Variants in SIPA1L1 observed in about 807,000 individuals in gnomAD.
The protein encoded by SIPA1L1 is signal induced proliferation associated 1 like 1.
SIPA1L1 carries 26 observed loss-of-function variants against 162.7 expected under a neutral mutation model. The observed-to-expected ratio is 0.16, with a 90% confidence interval of 0.12 to 0.22. The LOEUF is 0.22. Ranked by LOEUF, SIPA1L1 falls within the 10% of genes least tolerant of loss-of-function variation. The probability of loss-of-function intolerance (pLI) is 1.00; values close to 1 mark genes in which losing one functional copy is unlikely to be tolerated. For missense variants in SIPA1L1, 1,874 were observed against 2,241.0 expected (o/e 0.84, Z 3.31); for synonymous variants, 829 against 837.4 (o/e 0.99, Z 0.17).
At chr14:71,445,492 A>G (rs891754787) in intron 2 of SIPA1L1, among the ~76,000 whole-genome samples, 2 of 152,108 alleles carry the variant, frequency 1.3e-5, no homozygotes, top group African/African-American at 4.8e-5. Context: ...GCCTGGCAGA[A>G]TTTGTCTGTA....
At chr14:71,419,488 T>TC (rs2043028790) in intron 2 of SIPA1L1, among the ~76,000 whole-genome samples, 1 of 128,232 alleles carries the variant, frequency 7.8e-6, no homozygotes, top group African/African-American at 3.0e-5. Context: ...CTCTTTTTTT[T>TC]TTTTTTTTTT....
At chr14:71,696,408 G>A (rs994757659) in intron 13 of SIPA1L1, among the ~76,000 whole-genome samples, 3 of 152,198 alleles carry the variant, frequency 2.0e-5, no homozygotes, top group Non-Finnish European at 2.9e-5. Flanking sequence ...CTGGGCTTAG[G>A]TGTAATTCTA....
Position 71,588,107 on chromosome 14 carries a change from A to C in SIPA1L1, c.235A>C (p.Arg79=). Residue 79 remains arginine, a synonymous_variant, in exon 5 of 24, where the codon AGG becomes CGG. Transcript: ENST00000381232. This position sits in a 1 kb window ranked among gnomAD's most constrained non-coding sequence, Gnocchi z 4.3. The part of the protein sequence containing the change: ...PGVPKMGVRA[R]IADWPPRKEN... ...AGTCCCAAAAATGGGGGTAAGGGCA[A>C]GGATTGCAGATTGGCCCCCAAGAAA... The C allele has an allele frequency of 6.2e-7, 1 of 1,614,214 alleles. No individual in the cohort carries two copies. The highest frequency in any genetic ancestry group is 2.2e-5 in the East Asian group (1 of 44,890).
intron 4 of SIPA1L1, among the ~76,000 whole-genome samples, chr14:71,572,798 A>G (rs2032324892): frequency 6.6e-6 from 1 of 152,240 alleles, no homozygotes. Flanking sequence ...AAAATAAATG[A>G]AACTGTTACT....
intron 7 of SIPA1L1, among the ~76,000 whole-genome samples, chr14:71,627,601 T>A (rs1461727404): frequency 6.6e-6 from 1 of 152,226 alleles, no homozygotes; most frequent in East Asian, 1.9e-4. Context: ...TCACTTACAG[T>A]ACAGTTGGGG....
intron 2 of SIPA1L1, among the ~76,000 whole-genome samples, chr14:71,508,476 A>C (rs1279311978): frequency 6.6e-6 from 1 of 152,156 alleles, no homozygotes; most frequent in East Asian, 1.9e-4. Flanking sequence ...AATTTAAAGG[A>C]AGTTTGTACA....
At chr14:71,459,299 A>G (rs1409630685) in intron 2 of SIPA1L1, among the ~76,000 whole-genome samples, 1 of 152,096 alleles carries the variant, frequency 6.6e-6, no homozygotes, top group Non-Finnish European at 1.5e-5. Context: ...AGTCCTTACA[A>G]TTATGTGAGT....
chr14:71,454,845 C>A (rs182893281), intron 2 of SIPA1L1, among the ~76,000 whole-genome samples: 1 of 152,164 alleles, frequency 6.6e-6, no homozygotes, highest in Non-Finnish European at 1.5e-5. Flanking sequence ...GCTCTGTCTA[C>A]CCGGTGTCAC....
At chr14:71,738,503 G>T (rs1597331038) in intron 23 of SIPA1L1, among the ~76,000 whole-genome samples, 178 bp downstream of exon 23, 4 of 152,268 alleles carry the variant, frequency 2.6e-5, no homozygotes, top group Admixed American at 6.5e-5. Flanking sequence ...GAGGCGTTCG[G>T]TGTCCGGTGT....
At chr14:71,702,595 AG>A in intron 15 of SIPA1L1, 90 bp downstream of exon 15, 2 of 1,137,982 alleles carry the variant, frequency 1.8e-6, no homozygotes, top group Non-Finnish European at 2.5e-6. Flanking sequence ...TTGTTATAAA[AG>A]GTAGCCCTAG....
At chr14:71,707,028 C>T (rs2082492534) in intron 16 of SIPA1L1, among the ~76,000 whole-genome samples, 1 of 144,700 alleles carries the variant, frequency 6.9e-6, no homozygotes, top group Admixed American at 6.7e-5. Flanking sequence ...GATCAAGACT[C>T]CGTCAAAAAA....
intron 4 of SIPA1L1, chr14:71,575,123 A>C (rs1464091540): frequency 6.6e-6 from 1 of 152,208 alleles, no homozygotes; most frequent in African/African-American, 2.4e-5. Context: ...TTTTTACATC[A>C]GCTTTGAATG....
At chr14:71,646,412 A>G (rs139119170) in intron 7 of SIPA1L1, among the ~76,000 whole-genome samples, 10,305 of 152,148 alleles carry the variant, frequency 0.068, 693 homozygotes, top group African/African-American at 0.17. Context: ...TCCTGACCTC[A>G]TGAGCCACCC....
At position 71,588,300 on chromosome 14, in the gene SIPA1L1, C is replaced by G. The variant is rs148093652; in HGVS notation, c.428C>G (p.Thr143Arg). Reference sequence around the variant, plus strand: ...ATACAGAACACGCTGAAAAACAAGACAAGACCGTCGGAGAACATGGACTCC... The same window carrying G: ...ATACAGAACACGCTGAAAAACAAGAGAAGACCGTCGGAGAACATGGACTCC... The part of the protein sequence containing the change: ...KSIQNTLKNK[T>R]RPSENMDSRF... The change falls in exon 5 of 24, where the codon ACA becomes AGA. Residue 143 changes from threonine (T) to arginine (R), a missense_variant. By Grantham distance (71) the Thr-to-Arg change is moderately conservative. This residue lies in a region of SIPA1L1 where 685 missense variants were observed against 828.0 expected (regional missense o/e 0.83). Transcript: ENST00000381232. The surrounding 1 kb of genome is among the most constrained non-coding windows in gnomAD (Gnocchi z 4.3). 37 of 1,613,934 alleles carry G rather than the reference C, an allele frequency of 2.3e-5. No individual in the cohort carries two copies. In the African/African-American group the frequency reaches 4.9e-4, roughly 22 times the overall value.
intron 2 of SIPA1L1, among the ~76,000 whole-genome samples, chr14:71,358,491 A>G (rs1205187347): frequency 2.0e-5 from 3 of 152,106 alleles, no homozygotes; most frequent in African/African-American, 4.8e-5. Flanking sequence ...TCACTTCATC[A>G]TCTCCTTCAT....
chr14:71,687,200 A>G (rs1014066493), intron 13 of SIPA1L1, among the ~76,000 whole-genome samples: 25 of 152,224 alleles, frequency 1.6e-4, no homozygotes, highest in African/African-American at 5.5e-4. Context: ...CTGTTTACAG[A>G]GCCTTGCTAT....
intron 2 of SIPA1L1, among the ~76,000 whole-genome samples, chr14:71,436,153 T>C (rs2044361116): frequency 6.6e-6 from 1 of 152,210 alleles, no homozygotes; most frequent in Non-Finnish European, 1.5e-5. Flanking sequence ...ACTCTGCCAA[T>C]TTATCTATGG....
chr14:71,357,436 A>G (rs1256016102), intron 2 of SIPA1L1, among the ~76,000 whole-genome samples: 1 of 152,170 alleles, frequency 6.6e-6, no homozygotes, highest in Non-Finnish European at 1.5e-5. Context: ...TTCATTTCCC[A>G]CTAAACTCTC....
At chr14:71,490,561 T>G (rs185689273) in intron 2 of SIPA1L1, among the ~76,000 whole-genome samples, 1 of 152,332 alleles carries the variant, frequency 6.6e-6, no homozygotes. Flanking sequence ...ATTGTCCATG[T>G]TATTATAATA....
Sources: allele counts gnomAD v4.1 joint callset (sites outside exome capture counted in the v4.1 genomes callset), GRCh38; gene constraint gnomAD v4.1.1; regional missense constraint gnomAD v4.1.1; non-coding constraint Gnocchi (gnomAD v3.1); transcripts MANE v1.5; gene names NCBI Gene and HGNC (gene_info 2026-07-23, HGNC 2026-07-21).